Variants in TCFL5 observed in about 807,000 individuals in gnomAD.
TCFL5 encodes transcription factor-like 5 protein.
A neutral mutation model predicts 44.3 loss-of-function variants in TCFL5; 9 were observed. The observed-to-expected ratio is 0.20, with a 90% CI of 0.12 to 0.35. The LOEUF (loss-of-function observed/expected upper bound fraction) is 0.35, where lower values mean the gene tolerates loss of function less well. Among genes scored for constraint, TCFL5 ranks in the 10% least tolerant of loss-of-function variants. The pLI, the probability that TCFL5 is intolerant of heterozygous loss-of-function variation, is 1.00. For synonymous variants in TCFL5, 319 were observed against 271.6 expected, an observed-to-expected ratio of 1.17 and a Z score of -1.72; for missense variants, 603 against 613.4, an observed-to-expected ratio of 0.98 and a Z score of 0.18.
chr20:62,861,738 G>GGAGGCGT lies in TCFL5; in HGVS notation c.-69_-68insACGCCTC. 1 of 145,444 alleles carries GGAGGCGT rather than the reference G, an allele frequency of 6.9e-6. No individual in the cohort carries two copies. The highest frequency in any genetic ancestry group is 1.8e-4 in the South Asian group (1 of 5,414). 9.0% of individuals were successfully genotyped at this position (145,444 alleles called of 1,614,324 possible). On this transcript the variant is annotated 5_prime_UTR_variant, in exon 1 of 6. Transcript: ENST00000335351. This position sits in a 1 kb window ranked among gnomAD's most constrained non-coding sequence, Gnocchi z 4.0. ...GGCGGGCGGCGGGAGGCGGGAGGCGGGAGGCGGGAGGCGACCCCCGGCCCG... is the reference window on the plus strand; with the variant it reads ...GGCGGGCGGCGGGAGGCGGGAGGCGGGAGGCGTGAGGCGGGAGGCGACCCCCGGCCCG...
At chr20:62,845,804 G>A (rs759052456) in intron 5 of TCFL5, 3 of 1,603,488 alleles carry the variant, frequency 1.9e-6, no homozygotes, top group Non-Finnish European at 2.6e-6. Flanking sequence ...GTGTGGCAAT[G>A]TGTCCAGGCT....
intron 4 of TCFL5, 31 bp downstream of exon 4, chr20:62,857,363 GA>G (rs1340987525): frequency 1.2e-6 from 2 of 1,610,726 alleles, no homozygotes; most frequent in Non-Finnish European, 8.5e-7. Flanking sequence ...AATCATATAT[GA>G]GTCAGCCTGA....
chr20:62,845,510 C>T, intron 5 of TCFL5: 1 of 1,426,424 alleles, frequency 7.0e-7, no homozygotes, highest in Non-Finnish European at 9.2e-7. Context: ...CTAAAGCCTA[C>T]ATATAAAAAA....
chr20:62,846,723 A>G (rs1409088838), intron 5 of TCFL5, among the ~76,000 whole-genome samples: 1 of 150,054 alleles, frequency 6.7e-6, no homozygotes, highest in African/African-American at 2.5e-5. Context: ...CTGTGGTTGC[A>G]CCGCACTCCA....
At chr20:62,845,157 T>C (rs1176854574) in intron 5 of TCFL5, 27 of 985,486 alleles carry the variant, frequency 2.7e-5, no homozygotes, top group Non-Finnish European at 3.1e-5. Flanking sequence ...GTTTCACTCT[T>C]GTCGCCCAGA....
chr20:62,847,815 G>T (rs139586993), intron 5 of TCFL5, among the ~76,000 whole-genome samples: 1 of 152,212 alleles, frequency 6.6e-6, no homozygotes, highest in Non-Finnish European at 1.5e-5. Context: ...TTCGAGACCA[G>T]CCTGGCCAAT....
chr20:62,841,877 G>C lies in TCFL5; in HGVS notation c.*98C>G. ...CGTCAGCTTGAGTCACGCCCTTTTC[G>C]AGTCAGACTAGCCGAGCAGAGCTCC... On this transcript the variant is annotated 3_prime_UTR_variant, in exon 6 of 6. Transcript: ENST00000335351. The C allele has an allele frequency of 1.3e-6, 2 of 1,510,980 alleles. No individual in the cohort carries two copies. Among genetic ancestry groups the C allele is most frequent in the Non-Finnish European group, 1.8e-6 (2 of 1,123,018 alleles). The allele number at this position is 1,510,980 out of a possible 1,614,324, so 93.6% of individuals were successfully genotyped here.
chr20:62,846,161 A>G (rs1252259018), intron 5 of TCFL5: 7 of 1,179,778 alleles, frequency 5.9e-6, no homozygotes, highest in Middle Eastern at 3.6e-4. Context: ...AATTTAAAAG[A>G]CGATAATTTA....
intron 3 of TCFL5, 141 bp downstream of exon 3, chr20:62,859,223 C>T: frequency 1.4e-6 from 1 of 718,082 alleles, no homozygotes; most frequent in Non-Finnish European, 2.3e-6. Flanking sequence ...GTGGACAGAC[C>T]CCTGAGATAC....
At position 62,847,432 on chromosome 20, in the gene TCFL5, C is replaced by T. The variant is rs1277930647; in HGVS notation, c.1381-5335G>A. 2.0e-5 allele frequency among the ~76,000 whole-genome samples: 3 copies of T among 152,150 alleles called. No homozygotes were observed. The South Asian group carries it at 6.2e-4, about 32-fold the overall frequency. On this transcript the variant is annotated intron_variant, in intron 5 of 5. Transcript: ENST00000335351. ...GCAAATTATGATGGAAAAAGCACTA[C>T]CACTGACCCCACATAAAAAACCAAC...
intron 5 of TCFL5, chr20:62,851,844 C>G: frequency 1.0e-6 from 1 of 984,448 alleles, no homozygotes; most frequent in Non-Finnish European, 1.2e-6. Context: ...GAGTCTCGCT[C>G]TGTCACCCAG....
chr20:62,843,350 GT>G (rs1265623443), intron 5 of TCFL5, among the ~76,000 whole-genome samples: 2 of 152,054 alleles, frequency 1.3e-5, no homozygotes, highest in African/African-American at 2.4e-5. Context: ...TAATGCGGTT[GT>G]GTTTTTAAAC....
intron 5 of TCFL5, among the ~76,000 whole-genome samples, chr20:62,848,528 G>C (rs1216820006): frequency 6.6e-6 from 1 of 152,226 alleles, no homozygotes; most frequent in Middle Eastern, 3.4e-3. Context: ...ATCACCTGAG[G>C]TAAGATCGAG....
At position 62,861,097 on chromosome 20, in the gene TCFL5, T is replaced by C; in HGVS notation, c.574A>G (p.Asn192Asp). 1.0e-6 allele frequency: 1 copy of C among 997,468 alleles called. No individual in the cohort carries two copies. The highest frequency in any genetic ancestry group is 1.2e-6 in the Non-Finnish European group (1 of 839,966). 61.8% of individuals were successfully genotyped at this position (997,468 alleles called of 1,614,324 possible). ...AVRVRLEDRF[N>D]SIPAEPPPAP... ...GGCGGCGGCTCGGCGGGGATGCTGT[T>C]GAAGCGGTCCTCCAGGCGGACGCGC... The change falls in exon 1 of 6, where the codon AAC becomes GAC. Residue 192 changes from asparagine to aspartate, a missense_variant. Physicochemically the swap from Asn to Asp is conservative, Grantham distance 23. Coordinates refer to ENST00000335351, the MANE Select transcript of TCFL5 (RefSeq NM_006602.4). This position sits in a 1 kb window ranked among gnomAD's most constrained non-coding sequence, Gnocchi z 4.0.
At chr20:62,854,329 C>T (rs2063855819) in intron 4 of TCFL5, among the ~76,000 whole-genome samples, 172 bp from the exon 5 acceptor site, 1 of 152,240 alleles carries the variant, frequency 6.6e-6, no homozygotes, top group African/African-American at 2.4e-5. Flanking sequence ...ACGGCCTTGT[C>T]TACAGAGGCA....
chr20:62,861,780 G>T lies in TCFL5; in HGVS notation c.-110C>A, dbSNP rs545730934. The T allele has an allele frequency of 6.8e-6, 1 of 147,156 alleles. No homozygotes were observed. Among genetic ancestry groups the T allele is most frequent in the East Asian group, 2.0e-4 (1 of 4,930 alleles). The allele number at this position is 147,156 out of a possible 1,614,324, so 9.1% of individuals were successfully genotyped here. A position where few individuals can be genotyped will look rare whatever the true frequency, so the allele number is the denominator to read the frequency against. The stretch of plus-strand genomic sequence containing the variant: ...CCCGGCCCGAGCACTACTCTGCGCC[G>T]GCCACAGCCGGCGCGCCGTTGGGGG... On this transcript the variant is annotated 5_prime_UTR_variant, in exon 1 of 6. Transcript: ENST00000335351. The surrounding 1 kb of genome is among the most constrained non-coding windows in gnomAD (Gnocchi z 4.0).
chr20:62,848,960 G>A (rs1417026988), intron 5 of TCFL5, among the ~76,000 whole-genome samples: 1 of 150,558 alleles, frequency 6.6e-6, no homozygotes, highest in Non-Finnish European at 1.5e-5. Context: ...TTGAGGTCAA[G>A]AGTTTGAGAC....
At chr20:62,844,480 G>A (rs187270842) in intron 5 of TCFL5, among the ~76,000 whole-genome samples, 9 of 152,178 alleles carry the variant, frequency 5.9e-5, no homozygotes, top group Admixed American at 2.0e-4. Context: ...GCACATCCAC[G>A]GCTCACTGCA....
chr20:62,861,147 G>C lies in TCFL5; in HGVS notation c.524C>G (p.Pro175Arg), dbSNP rs1377303388. 52 of 1,005,542 alleles carry C rather than the reference G, an allele frequency of 5.2e-5. No individual in the cohort carries two copies. Among genetic ancestry groups the C allele is most frequent in the Non-Finnish European group, 6.1e-5 (52 of 845,616 alleles). The allele number at this position is 1,005,542 out of a possible 1,614,324, so 62.3% of individuals were successfully genotyped here. ...AAAAAGPDGA[P>R]EARAKPAVRV... ...CACGGCCGGCTTGGCCCGGGCCTCG[G>C]GCGCGCCGTCGGGTCCAGCCGCAGC... is the stretch of plus-strand genomic sequence containing the variant. Residue 175 changes from proline to arginine, a missense_variant, in exon 1 of 6, where the codon CCC (proline) becomes CGC (arginine). This residue lies in a region of TCFL5 where 540 missense variants were observed against 478.7 expected (regional missense o/e 1.13). Coordinates refer to ENST00000335351, the MANE Select transcript of TCFL5 (RefSeq NM_006602.4). This position sits in a 1 kb window ranked among gnomAD's most constrained non-coding sequence, Gnocchi z 4.0.
Sources: gnomAD v4.1 joint callset for allele counts (sites outside exome capture counted in the v4.1 genomes callset) on GRCh38, gnomAD v4.1.1 for gene constraint, gnomAD v4.1.1 regional missense constraint, Gnocchi (gnomAD v3.1) non-coding constraint, MANE v1.5 for transcripts, NCBI Gene and HGNC (gene_info 2026-07-23, HGNC 2026-07-21) for gene names.